Variants in CCNB3 observed in about 807,000 individuals in gnomAD.
The protein encoded by CCNB3 is cyclin B3.
CCNB3 carries 12 observed loss-of-function variants against 68.0 expected under a neutral mutation model. The ratio of observed to expected loss-of-function variants is 0.18; its 90% CI spans 0.11 to 0.29. The LOEUF is 0.29. Among genes scored for constraint, CCNB3 ranks in the 10% least tolerant of loss-of-function variants. The probability of loss-of-function intolerance (pLI) is 1.00; values close to 1 mark genes in which losing one functional copy is unlikely to be tolerated. For synonymous variants in CCNB3, 354 were observed against 388.9 expected (o/e 0.91, Z 1.06); for missense variants, 904 against 993.1 (o/e 0.91, Z 1.21).
intron 1 of CCNB3, among the ~76,000 whole-genome samples, chrX:50,217,494 C>G (rs1182835082): frequency 4.6e-5 from 5 of 109,880 alleles, no homozygotes; most frequent in Admixed American, 9.8e-5. Flanking sequence ...GGATGGTCTC[C>G]ATCTCCTGAC....
chrX:50,311,948 GC>G (rs1339184929), intron 6 of CCNB3, among the ~76,000 whole-genome samples: 2 of 110,363 alleles, frequency 1.8e-5, no homozygotes, highest in Admixed American at 2.0e-4. Flanking sequence ...TGCAATAGTG[GC>G]CAGGTAATTT....
At chrX:50,351,194 G>A (rs782174173) in intron 11 of CCNB3, 47 bp from the exon 12 acceptor site, 9 of 1,197,977 alleles carry the variant, frequency 7.5e-6, no homozygotes, top group South Asian at 3.6e-5. Flanking sequence ...ATGGAGGAAC[G>A]GTGTGCTTCC....
intron 8 of CCNB3, among the ~76,000 whole-genome samples, chrX:50,316,664 T>A (rs1217111973): frequency 1.7e-4 from 19 of 112,238 alleles, no homozygotes; most frequent in African/African-American, 6.2e-4. Flanking sequence ...CTATTCTCTA[T>A]CTTTGCCTTT....
At chrX:50,289,907 C>T (rs1557209890) in intron 4 of CCNB3, among the ~76,000 whole-genome samples, 1 of 111,842 alleles carries the variant, frequency 8.9e-6, no homozygotes, top group Non-Finnish European at 1.9e-5. Flanking sequence ...TCTGTATGGC[C>T]ACCTTTCTGC....
chrX:50,280,164 A>T (rs1241724176), intron 1 of CCNB3, among the ~76,000 whole-genome samples: 1 of 66,470 alleles, frequency 1.5e-5, no homozygotes, highest in Non-Finnish European at 2.9e-5. Flanking sequence ...ATATATAAAT[A>T]TATATAGAAT....
At position 50,212,119 on chromosome X, in the gene CCNB3, T is replaced by A. The variant is rs1241518551; in HGVS notation, c.-113+7169T>A. ...ACCTAGTGAATTTATAATTCACACA[T>A]CACATTCTGCCTTGTGGTGTATTTG... On this transcript the variant is annotated intron_variant, in intron 1 of 12. Coordinates refer to ENST00000376042, the MANE Select transcript of CCNB3 (RefSeq NM_033031.3). 4.7e-3 allele frequency among the ~76,000 whole-genome samples: 526 copies of A among 112,351 alleles called. 2 individuals are homozygous for A. Among genetic ancestry groups the A allele is most frequent in the Non-Finnish European group, 6.7e-3 (358 of 53,279 alleles).
chrX:50,312,363 C>T (rs782133188), intron 6 of CCNB3, among the ~76,000 whole-genome samples, 174 bp from the exon 7 acceptor site: 1 of 111,505 alleles, frequency 9.0e-6, no homozygotes, highest in South Asian at 3.9e-4. Flanking sequence ...GATCCCTGGA[C>T]CATATGAGGA....
At chrX:50,226,443 A>G (rs1480388602) in intron 1 of CCNB3, among the ~76,000 whole-genome samples, 19 of 71,857 alleles carry the variant, frequency 2.6e-4, no homozygotes, top group African/African-American at 5.2e-4. Flanking sequence ...AAAAATATAT[A>G]TAGAATATAT....
At chrX:50,228,339 A>T (rs914697058) in intron 1 of CCNB3, among the ~76,000 whole-genome samples, 19 of 93,811 alleles carry the variant, frequency 2.0e-4, no homozygotes, top group Admixed American at 5.6e-4. Context: ...GAGAATATAT[A>T]TACATACATA....
At chrX:50,227,921 GT>G (rs1159338380) in intron 1 of CCNB3, among the ~76,000 whole-genome samples, 6 of 58,965 alleles carry the variant, frequency 1.0e-4, no homozygotes, top group African/African-American at 4.3e-4. Flanking sequence ...ATATATAAAT[GT>G]ATAGACAGAA....
Position 50,308,784 on chromosome X carries a change from G to C in CCNB3, c.615G>C (p.Ala205=), listed in dbSNP as rs373752549. The C allele has an allele frequency of 3.1e-5, 38 of 1,211,662 alleles. No individual in the cohort carries two copies. Among genetic ancestry groups the C allele is most frequent in the Non-Finnish European group, 4.1e-5 (37 of 895,491 alleles). ...AGGAGGAGAGTGACAGTGATGATGC[G>C]TTTGTTATAGAGCCAATGACTTTTA... ...PLQEESDSDD[A]FVIEPMTFKK... is the part of the protein sequence containing the mutation. Residue 205 remains alanine (A), a synonymous_variant, in exon 6 of 13, where the codon GCG becomes GCC. Transcript: ENST00000376042.
chrX:50,299,704 C>T (rs1228431565), intron 5 of CCNB3, among the ~76,000 whole-genome samples: 7 of 110,647 alleles, frequency 6.3e-5, no homozygotes, highest in Non-Finnish European at 1.3e-4. Context: ...CTTTCTGTCT[C>T]ATTGATCTGT....
chrX:50,318,041 C>A (rs1921825429), intron 8 of CCNB3, among the ~76,000 whole-genome samples: 1 of 110,854 alleles, frequency 9.0e-6, no homozygotes, highest in Admixed American at 9.6e-5. Flanking sequence ...ACTATACTTT[C>A]TTCATGGAAT....
rs149456824 is a variant in CCNB3, at chrX:50,309,322, T to A, written c.1153T>A (p.Leu385Met). The A allele has an allele frequency of 5.8e-6, 7 of 1,210,997 alleles. No individual in the cohort carries two copies. The highest frequency in any genetic ancestry group is 4.3e-5 in the Admixed American group (2 of 45,978). Residue 385 changes from leucine to methionine, a missense_variant, in exon 6 of 13, where the codon TTG becomes ATG. Physicochemically the swap from Leu to Met is conservative, Grantham distance 15 (BLOSUM62 2). Around this residue, in one of 2 missense-constraint regions of CCNB3, gnomAD observed 619 missense variants for 609.8 expected, o/e 1.02. Coordinates refer to ENST00000376042, the MANE Select transcript of CCNB3 (RefSeq NM_033031.3). Reference sequence around the variant, plus strand: ...GGAGGCAATCATGATGCCAGTAATATTGAAGGAGCAGTGCATGACTGAGGG... The same window carrying A: ...GGAGGCAATCATGATGCCAGTAATAATGAAGGAGCAGTGCATGACTGAGGG... ...TEEAIMMPVI[L>M]KEQCMTEGKR...
intron 3 of CCNB3, among the ~76,000 whole-genome samples, chrX:50,287,491 C>G (rs946229249): frequency 8.9e-6 from 1 of 111,874 alleles, no homozygotes; most frequent in Admixed American, 9.5e-5. Flanking sequence ...ACAGTTCATA[C>G]GAACTTTTAA....
chrX:50,294,443 T>G (rs1250920034), intron 4 of CCNB3, among the ~76,000 whole-genome samples: 1 of 111,385 alleles, frequency 9.0e-6, no homozygotes, highest in Non-Finnish European at 1.9e-5. Context: ...AGGTATATCC[T>G]GAAGAGGCAC....
chrX:50,298,265 G>C (rs1269133108), intron 5 of CCNB3, among the ~76,000 whole-genome samples: 1 of 111,351 alleles, frequency 9.0e-6, no homozygotes, highest in Non-Finnish European at 1.9e-5. Flanking sequence ...ATTGGCTGTG[G>C]GTTTGTCACA....
chrX:50,202,918 C>T (rs1210702321), upstream of CCNB3: 5 of 111,697 alleles, frequency 4.5e-5, no homozygotes, highest in African/African-American at 1.3e-4. Flanking sequence ...TCTTCCTTCT[C>T]TTCTCGAGGC....
At chrX:50,225,239 A>T (rs1935733476) in intron 1 of CCNB3, among the ~76,000 whole-genome samples, 1 of 111,047 alleles carries the variant, frequency 9.0e-6, no homozygotes, top group Admixed American at 9.7e-5. Context: ...TTGCAATTTC[A>T]AAAATAGAGG....
Sources: allele counts gnomAD v4.1 joint callset (sites outside exome capture counted in the v4.1 genomes callset), GRCh38; gene constraint gnomAD v4.1.1; regional missense constraint gnomAD v4.1.1; transcripts MANE v1.5; gene names NCBI Gene and HGNC (gene_info 2026-07-23, HGNC 2026-07-21).